Variants in ZMAT4 observed in about 807,000 individuals in gnomAD.
The protein encoded by ZMAT4 is zinc finger matrin-type protein 4.
A neutral mutation model predicts 28.7 loss-of-function variants in ZMAT4; 17 were observed. The observed-to-expected ratio is 0.59, with a 90% CI of 0.41 to 0.89. ZMAT4 has a LOEUF of 0.89. ZMAT4 is among the 40% of genes least tolerant of loss of function. ZMAT4 has a pLI of 0.00. For synonymous variants in ZMAT4, 117 were observed against 109.2 expected (o/e 1.07, Z -0.44); for missense variants, 240 against 283.8 (o/e 0.85, Z 1.11).
At chr8:40,893,634 G>A (rs16890074) in intron 1 of ZMAT4, among the ~76,000 whole-genome samples, 4,267 of 152,298 alleles carry the variant, frequency 0.028, 130 homozygotes, top group Admixed American at 0.085. Flanking sequence ...CAGGTGCCTG[G>A]AATTTGACTG....
intron 1 of ZMAT4, among the ~76,000 whole-genome samples, chr8:40,876,609 C>T (rs1818050356): frequency 6.6e-6 from 1 of 152,190 alleles, no homozygotes; most frequent in Admixed American, 6.5e-5. Flanking sequence ...GCCACTGCAC[C>T]CGGCCTGCTT....
intron 2 of ZMAT4, among the ~76,000 whole-genome samples, chr8:40,820,766 T>TA (rs1241158258): frequency 7.6e-6 from 1 of 132,114 alleles, no homozygotes; most frequent in Non-Finnish European, 1.6e-5. Flanking sequence ...CATATGCATG[T>TA]GTATATGTGT....
chr8:40,847,906 C>A (rs1316931286), intron 1 of ZMAT4, among the ~76,000 whole-genome samples: 1 of 152,178 alleles, frequency 6.6e-6, no homozygotes, highest in Admixed American at 6.5e-5. Flanking sequence ...AGAGTGCTAA[C>A]CTACCCACAG....
At chr8:40,872,191 A>T (rs1586199634) in intron 1 of ZMAT4, among the ~76,000 whole-genome samples, 1 of 152,330 alleles carries the variant, frequency 6.6e-6, no homozygotes, top group African/African-American at 2.4e-5. Context: ...ACAAGTGTAC[A>T]TAGTCACACA....
intron 5 of ZMAT4, among the ~76,000 whole-genome samples, chr8:40,670,329 A>G (rs939469676): frequency 1.3e-5 from 2 of 152,202 alleles, no homozygotes; most frequent in Non-Finnish European, 2.9e-5. Flanking sequence ...CAACTGTGTA[A>G]ATATATAAAA....
At chr8:40,589,731 CCTTTCTTT>C (rs142961756) in intron 5 of ZMAT4, among the ~76,000 whole-genome samples, 44 of 139,384 alleles carry the variant, frequency 3.2e-4, no homozygotes, top group South Asian at 4.7e-4. Flanking sequence ...TTCTTCCTTT[CCTTTCTTT>C]CTTTCTTTCT....
At chr8:40,695,591 T>C (rs553535533) in intron 4 of ZMAT4, among the ~76,000 whole-genome samples, 32 of 152,226 alleles carry the variant, frequency 2.1e-4, no homozygotes, top group African/African-American at 2.7e-4. Context: ...AGCCATTAAG[T>C]AAAGGCTGTA....
At chr8:40,570,289 A>G (rs903525465) in intron 6 of ZMAT4, among the ~76,000 whole-genome samples, 3 of 152,206 alleles carry the variant, frequency 2.0e-5, no homozygotes, top group African/African-American at 7.2e-5. Flanking sequence ...AATGTTCTAC[A>G]TCTTGATTGG....
At chr8:40,737,101 A>G (rs576687409) in intron 3 of ZMAT4, among the ~76,000 whole-genome samples, 1 of 152,238 alleles carries the variant, frequency 6.6e-6, no homozygotes, top group Non-Finnish European at 1.5e-5. Context: ...CAAATAAAAC[A>G]ACACAGAGAG....
At chr8:40,580,614 C>T (rs867838096) in intron 6 of ZMAT4, among the ~76,000 whole-genome samples, 6 of 151,776 alleles carry the variant, frequency 4.0e-5, no homozygotes, top group Non-Finnish European at 8.8e-5. Flanking sequence ...TGAAATGGTG[C>T]CTGGTGAGAC....
rs139265116 is a variant in ZMAT4, at chr8:40,692,180, G to A, written c.349+5065C>T. On this transcript the variant is annotated intron_variant, in intron 4 of 6. Coordinates refer to ENST00000297737, the MANE Select transcript of ZMAT4 (RefSeq NM_024645.3). Reference sequence around the variant, plus strand: ...CATGAACAGAGGCAGTAATAACTGTGGTCCCTGCAGAGCACACCTCAGAAT... The same window carrying A: ...CATGAACAGAGGCAGTAATAACTGTAGTCCCTGCAGAGCACACCTCAGAAT... 7.4e-4 allele frequency among the ~76,000 whole-genome samples: 113 copies of A among 152,224 alleles called. 1 individual carries two copies. The Middle Eastern group carries it at 0.01, about 14-fold the overall frequency.
chr8:40,622,516 G>A (rs1016815616), intron 5 of ZMAT4, among the ~76,000 whole-genome samples: 1 of 152,154 alleles, frequency 6.6e-6, no homozygotes, highest in Non-Finnish European at 1.5e-5. Context: ...CCTTTTCTGG[G>A]TTTTATGTTT....
chr8:40,806,569 A>G (rs1191025652), intron 2 of ZMAT4, among the ~76,000 whole-genome samples: 1 of 152,198 alleles, frequency 6.6e-6, no homozygotes, highest in Non-Finnish European at 1.5e-5. Flanking sequence ...CTACTCTACC[A>G]AAAAACACAG....
chr8:40,861,664 T>C (rs1256472696), intron 1 of ZMAT4, among the ~76,000 whole-genome samples: 1 of 152,190 alleles, frequency 6.6e-6, no homozygotes, highest in Non-Finnish European at 1.5e-5. Context: ...TTTTGCAATC[T>C]ACTCATCTGA....
intron 1 of ZMAT4, among the ~76,000 whole-genome samples, chr8:40,896,419 C>T (rs1290662311): frequency 1.3e-5 from 2 of 152,124 alleles, no homozygotes; most frequent in African/African-American, 4.8e-5. Flanking sequence ...GAAGATCACC[C>T]CCAGACTATC....
chr8:40,748,778 T>C (rs1812340246), intron 3 of ZMAT4, among the ~76,000 whole-genome samples: 1 of 152,174 alleles, frequency 6.6e-6, no homozygotes. Context: ...AAGCAGAACT[T>C]GATCTTGGAA....
At chr8:40,603,985 G>A (rs546434271) in intron 5 of ZMAT4, among the ~76,000 whole-genome samples, 16 of 152,226 alleles carry the variant, frequency 1.1e-4, no homozygotes, top group Admixed American at 1.3e-4. Context: ...TGCAGCTATT[G>A]TGAAAGGCAT....
chr8:40,685,953 G>T (rs916996077), intron 4 of ZMAT4, among the ~76,000 whole-genome samples: 2 of 152,112 alleles, frequency 1.3e-5, no homozygotes, highest in Non-Finnish European at 2.9e-5. Flanking sequence ...AGCTTTGCAG[G>T]TACCTCCAAT....
At chr8:40,770,789 C>A (rs1233674902) in intron 2 of ZMAT4, among the ~76,000 whole-genome samples, 2 of 152,018 alleles carry the variant, frequency 1.3e-5, no homozygotes, top group Non-Finnish European at 2.9e-5. Context: ...CTCAAGTGAG[C>A]CGCCCACCTC....
Sources: allele counts gnomAD v4.1 joint callset (sites outside exome capture counted in the v4.1 genomes callset), GRCh38; gene constraint gnomAD v4.1.1; transcripts MANE v1.5; gene names NCBI Gene and HGNC (gene_info 2026-07-23, HGNC 2026-07-21).